C10orf90: variants seen among roughly 807,000 people sequenced by gnomAD.
C10orf90 encodes the protein chromosome 10 open reading frame 90, also known as (E2-independent) E3 ubiquitin-conjugating enzyme FATS.
Under a neutral mutation model 62.5 loss-of-function variants are expected in C10orf90, and 56 were observed. The ratio of observed to expected loss-of-function variants is 0.90; its 90% CI spans 0.72 to 1.12. The LOEUF (loss-of-function observed/expected upper bound fraction) is 1.12, where lower values mean the gene tolerates loss of function less well. Among genes scored for constraint, C10orf90 ranks in the 50% most tolerant of loss-of-function variants. The probability of loss-of-function intolerance (pLI) is 0.00; values close to 1 mark genes in which losing one functional copy is unlikely to be tolerated. For synonymous variants in C10orf90, 386 were observed against 340.4 expected, an observed-to-expected ratio of 1.13 and a Z score of -1.47; for missense variants, 970 against 880.4, an observed-to-expected ratio of 1.10 and a Z score of -1.29.
intron 2 of C10orf90, among the ~76,000 whole-genome samples, chr10:126,556,916 G>A (rs1026042534): frequency 4.0e-5 from 6 of 151,090 alleles, no homozygotes; most frequent in East Asian, 2.0e-4. Flanking sequence ...GGGCCCCAGC[G>A]TTTCTTCCTG....
At chr10:126,507,281 C>G (rs1040798905) in intron 3 of C10orf90, among the ~76,000 whole-genome samples, 1 of 146,944 alleles carries the variant, frequency 6.8e-6, no homozygotes, top group Non-Finnish European at 1.5e-5. Context: ...GGCGTGAACC[C>G]GAGAGACGGA....
chr10:126,654,506 G>A (rs1846353657), intron 1 of C10orf90, among the ~76,000 whole-genome samples: 1 of 152,142 alleles, frequency 6.6e-6, no homozygotes, highest in South Asian at 2.1e-4. Flanking sequence ...ATTAGGCCTT[G>A]GCTTAGGGGA....
At chr10:126,623,767 G>A (rs753726810) in intron 2 of C10orf90, among the ~76,000 whole-genome samples, 6 of 149,264 alleles carry the variant, frequency 4.0e-5, no homozygotes, top group Non-Finnish European at 7.4e-5. Context: ...CTTGAACCCA[G>A]TAGGCAGAGG....
intron 4 of C10orf90, among the ~76,000 whole-genome samples, chr10:126,490,099 T>TAATATAATAATAATATATAATATAC: frequency 8.1e-6 from 1 of 123,526 alleles, no homozygotes; most frequent in Non-Finnish European, 1.6e-5. Flanking sequence ...ATATAATATA[T>TAATATAATAATAATATATAATATAC]AATATATATG....
At chr10:126,499,794 C>T (rs7100352) in intron 4 of C10orf90, among the ~76,000 whole-genome samples, 1,765 of 152,220 alleles carry the variant, frequency 0.012, 34 homozygotes, top group African/African-American at 0.041. Context: ...AGAACGCGAA[C>T]GCAAATAGAT....
intron 2 of C10orf90, among the ~76,000 whole-genome samples, chr10:126,547,323 T>G (rs1282212551): frequency 8.0e-5 from 12 of 149,414 alleles, no homozygotes; most frequent in Middle Eastern, 3.5e-3. Flanking sequence ...GGAGGCTGTG[T>G]CAGGAGAATG....
At chr10:126,493,364 CTTT>C (rs375605068) in intron 4 of C10orf90, among the ~76,000 whole-genome samples, 4 of 141,962 alleles carry the variant, frequency 2.8e-5, no homozygotes, top group Non-Finnish European at 3.1e-5. Flanking sequence ...ACATGTTTTC[CTTT>C]TTTTTTTTTT....
chr10:126,656,749 G>A (rs1440567135), intron 1 of C10orf90, among the ~76,000 whole-genome samples: 1 of 152,182 alleles, frequency 6.6e-6, no homozygotes, highest in Non-Finnish European at 1.5e-5. Context: ...AATGGCCTAT[G>A]TCACGATTTG....
chr10:126,670,581 C>T lies in C10orf90; in HGVS notation c.-101G>A, dbSNP rs1031328689. 2.5e-6 allele frequency: 1 copy of T among 401,360 alleles called. No homozygotes were observed. Among genetic ancestry groups the T allele is most frequent in the African/African-American group, 2.1e-5 (1 of 48,436 alleles). 24.9% of individuals were successfully genotyped at this position (401,360 alleles called of 1,614,324 possible). A position where few individuals can be genotyped will look rare whatever the true frequency, so the allele number is the denominator to read the frequency against. On this transcript the variant is annotated 5_prime_UTR_variant, in exon 1 of 10. Coordinates refer to ENST00000488181, the MANE Select transcript of C10orf90 (RefSeq NM_001350921.2). ...GCAACAGGAGGGACTTGGGCAGTGC[C>T]CCAGCTCGGACCTGTCCCAGTGTTT...
At chr10:126,622,344 C>T (rs1443280213) in intron 2 of C10orf90, among the ~76,000 whole-genome samples, 1 of 152,170 alleles carries the variant, frequency 6.6e-6, no homozygotes, top group Non-Finnish European at 1.5e-5. Flanking sequence ...ATCACCCCTG[C>T]CCACTGGTGA....
At chr10:126,649,247 G>A (rs1846244282) in intron 1 of C10orf90, among the ~76,000 whole-genome samples, 1 of 152,084 alleles carries the variant, frequency 6.6e-6, no homozygotes, top group African/African-American at 2.4e-5. Flanking sequence ...TGGACCCCAG[G>A]TCTTAGTCCA....
chr10:126,582,643 A>T (rs1479797876), intron 2 of C10orf90, among the ~76,000 whole-genome samples: 5 of 152,176 alleles, frequency 3.3e-5, no homozygotes, highest in Non-Finnish European at 7.3e-5. Flanking sequence ...AACAATGTAA[A>T]TACGAAAATG....
At chr10:126,622,282 A>G (rs2133817370) in intron 2 of C10orf90, among the ~76,000 whole-genome samples, 1 of 152,226 alleles carries the variant, frequency 6.6e-6, no homozygotes, top group East Asian at 1.9e-4. Context: ...TCGGCTGATG[A>G]AGAATATTGT....
intron 1 of C10orf90, among the ~76,000 whole-genome samples, chr10:126,649,537 C>T (rs1846250539): frequency 6.6e-6 from 1 of 152,202 alleles, no homozygotes; most frequent in African/African-American, 2.4e-5. Context: ...TCTTCCTGGT[C>T]CTTCTGGAGC....
rs1320884873 is a variant in C10orf90, at chr10:126,464,978, T to C, written c.1543A>G (p.Lys515Glu). 4 of 1,593,414 alleles carry C rather than the reference T, an allele frequency of 2.5e-6. No homozygotes were observed. The highest frequency in any genetic ancestry group is 1.7e-5 in the Admixed American group (1 of 59,430). The change falls in exon 5 of 10, where the codon AAA (lysine) becomes GAA (glutamate). Residue 515 changes from lysine to glutamate, a missense_variant. Transcript: ENST00000488181. ...PGWSYRAVHT[K>E]VFSGSSKRQQ... is the part of the protein sequence containing the mutation. ...CTCTTGCTGCTTCCAGAAAATACTT[T>C]TGTGTGTACTAAAAATAAAACGAGA...
intron 2 of C10orf90, among the ~76,000 whole-genome samples, chr10:126,576,741 T>TAC (rs1277405098): frequency 6.1e-5 from 4 of 65,368 alleles, no homozygotes; most frequent in African/African-American, 6.6e-5. Context: ...TATGTATATG[T>TAC]ATATATACAT....
chr10:126,487,142 CAAAAAAAAAAAAAAA>C (rs1158481155), intron 4 of C10orf90, among the ~76,000 whole-genome samples: 3 of 29,456 alleles, frequency 1.0e-4, no homozygotes, highest in African/African-American at 1.4e-4. Context: ...AAAACTCTGT[CAAAAAAAAAAAAAAA>C]AAAAAAAAAA....
At chr10:126,600,416 C>A (rs1845177104) in intron 2 of C10orf90, among the ~76,000 whole-genome samples, 1 of 152,156 alleles carries the variant, frequency 6.6e-6, no homozygotes, top group South Asian at 2.1e-4. Context: ...CCTGTGCCTG[C>A]CATGTGCAGG....
At chr10:126,512,382 G>GTA (rs773717777) in intron 3 of C10orf90, among the ~76,000 whole-genome samples, 1 of 69,734 alleles carries the variant, frequency 1.4e-5, no homozygotes, top group Admixed American at 1.7e-4. Flanking sequence ...CTGTGTGTGT[G>GTA]TGTCTGTGTG....
Sources: allele counts gnomAD v4.1 joint callset (sites outside exome capture counted in the v4.1 genomes callset), GRCh38; gene constraint gnomAD v4.1.1; transcripts MANE v1.5; gene names NCBI Gene and HGNC (gene_info 2026-07-23, HGNC 2026-07-21).